PPP2R2D: variants seen among roughly 807,000 people sequenced by gnomAD.
PPP2R2D encodes the protein protein phosphatase 2 regulatory subunit Bdelta.
Under a neutral mutation model 31.1 loss-of-function variants are expected in PPP2R2D, and 9 were observed. The ratio of observed to expected loss-of-function variants is 0.29; its 90% CI spans 0.17 to 0.51. The LOEUF (loss-of-function observed/expected upper bound fraction) is 0.51. PPP2R2D is among the 20% of genes least tolerant of loss of function. PPP2R2D has a pLI of 0.98. For missense variants in PPP2R2D, 391 were observed against 465.6 expected, an observed-to-expected ratio of 0.84 and a Z score of 1.48; for synonymous variants, 179 against 172.6, an observed-to-expected ratio of 1.04 and a Z score of -0.29.
chr10:131,937,868 C>T (rs1160586725), intron 3 of PPP2R2D, among the ~76,000 whole-genome samples: 2 of 152,164 alleles, frequency 1.3e-5, no homozygotes, highest in African/African-American at 4.8e-5. Context: ...AGGAGAGGGT[C>T]AAAGGAGAAC....
chr10:131,918,372 G>T (rs1431158901), intron 2 of PPP2R2D, among the ~76,000 whole-genome samples: 2 of 149,078 alleles, frequency 1.3e-5, no homozygotes, highest in Admixed American at 6.6e-5. Flanking sequence ...CACAGTGTTT[G>T]TAGGGACCTC....
At chr10:131,938,678 C>T (rs550266527) in intron 3 of PPP2R2D, among the ~76,000 whole-genome samples, 3 of 152,256 alleles carry the variant, frequency 2.0e-5, no homozygotes, top group Admixed American at 1.3e-4. Context: ...GCACCTCACT[C>T]TGGGCACCTG....
chr10:131,948,559 A>T (rs2036582885), intron 8 of PPP2R2D, among the ~76,000 whole-genome samples: 1 of 152,206 alleles, frequency 6.6e-6, no homozygotes, highest in Non-Finnish European at 1.5e-5. Context: ...GAGCTCACAG[A>T]TAAGCAAGGG....
chr10:131,962,170 C>T (rs1256808901), downstream of PPP2R2D, among the ~76,000 whole-genome samples: 4 of 152,196 alleles, frequency 2.6e-5, no homozygotes, highest in Admixed American at 6.5e-5. Flanking sequence ...ACTAGCTGCC[C>T]GGTGATGACA....
intron 2 of PPP2R2D, among the ~76,000 whole-genome samples, chr10:131,917,094 C>T (rs11146258): frequency 0.014 from 1,658 of 119,152 alleles, no homozygotes; most frequent in East Asian, 0.036. Context: ...GGACCTCACA[C>T]GGGTGGAATG....
At chr10:131,964,351 A>T (rs1225226055), downstream of PPP2R2D, among the ~76,000 whole-genome samples, 1 of 150,190 alleles carries the variant, frequency 6.7e-6, no homozygotes. Flanking sequence ...TTTGTTTTTG[A>T]GACAAATAAC....
chr10:131,970,767 G>C, the PPP2R2D span: 7 of 1,614,188 alleles, frequency 4.3e-6, no homozygotes, highest in South Asian at 1.1e-5. This position sits in a 1 kb window ranked among gnomAD's most constrained non-coding sequence, Gnocchi z 4.1. Context: ...CGTGCGCTTC[G>C]GGTGTTTAAA....
chr10:131,937,981 GCCTGT>G (rs2119821642), intron 3 of PPP2R2D, among the ~76,000 whole-genome samples: 1 of 152,060 alleles, frequency 6.6e-6, no homozygotes, highest in Non-Finnish European at 1.5e-5. Flanking sequence ...GGAATGCCCT[GCCTGT>G]CAGACTCAGT....
intron 2 of PPP2R2D, among the ~76,000 whole-genome samples, chr10:131,910,735 C>T (rs1253983881): frequency 6.6e-6 from 1 of 152,208 alleles, no homozygotes; most frequent in Non-Finnish European, 1.5e-5. Context: ...CCGGCAACCC[C>T]TGGGTAGCTT....
chr10:131,949,690 G>A (rs2036605445), intron 8 of PPP2R2D, among the ~76,000 whole-genome samples: 1 of 152,170 alleles, frequency 6.6e-6, no homozygotes, highest in South Asian at 2.1e-4. Context: ...AACGTGACCT[G>A]GAGACTGGAA....
At chr10:131,905,385 C>A (rs1298873716) in intron 2 of PPP2R2D, among the ~76,000 whole-genome samples, 4 of 152,300 alleles carry the variant, frequency 2.6e-5, no homozygotes, top group Non-Finnish European at 5.9e-5. Flanking sequence ...GAATCACCTT[C>A]ACCCAGCCCC....
rs1554901111 is a variant in PPP2R2D, at chr10:131,959,548, G to T, written c.*3585G>T. The T allele has an allele frequency of 1.3e-5, 2 of 159,568 alleles. No homozygotes were observed. The highest frequency in any genetic ancestry group is 2.7e-5 in the Non-Finnish European group (2 of 72,762). 9.9% of individuals were successfully genotyped at this position (159,568 alleles called of 1,614,324 possible). A position where few individuals can be genotyped will look rare whatever the true frequency, so the allele number is the denominator to read the frequency against. On this transcript the variant is annotated 3_prime_UTR_variant, in exon 9 of 9. Transcript: ENST00000455566. ...GTGTGCTGATTACTAATCCACATGGGCAAGAACAGGATGTCCGTCATTACC... is the reference window on the plus strand; with the variant it reads ...GTGTGCTGATTACTAATCCACATGGTCAAGAACAGGATGTCCGTCATTACC...
chr10:131,947,643 C>G lies in PPP2R2D; in HGVS notation c.934C>G (p.Leu312Val). 6.2e-7 allele frequency: 1 copy of G among 1,614,236 alleles called. No individual in the cohort carries two copies. Among genetic ancestry groups the G allele is most frequent in the Middle Eastern group, 1.6e-4 (1 of 6,062 alleles). ...GCGGTACATGATGACCAGAGACTAC[C>G]TGTCGGTGAAGGTGTGGGACCTCAA... is the stretch of plus-strand genomic sequence containing the variant. ...SGRYMMTRDY[L>V]SVKVWDLNME... Residue 312 changes from leucine to valine, a missense_variant, in exon 8 of 9, where the codon CTG becomes GTG. Physicochemically the swap from Leu to Val is conservative, Grantham distance 32. Around this residue, in one of 3 missense-constraint regions of PPP2R2D, gnomAD observed 123 missense variants for 187.7 expected, o/e 0.66. Coordinates refer to ENST00000455566, the MANE Select transcript of PPP2R2D (RefSeq NM_018461.5). The surrounding 1 kb of genome is among the most constrained non-coding windows in gnomAD (Gnocchi z 4.3).
chr10:131,939,701 C>G (rs1300876047), intron 3 of PPP2R2D: 1 of 173,962 alleles, frequency 5.7e-6, no homozygotes, highest in Non-Finnish European at 1.2e-5. Flanking sequence ...TTCGGCAGAC[C>G]TGCTCCAGAA....
intron 2 of PPP2R2D, among the ~76,000 whole-genome samples, chr10:131,907,137 A>G (rs2035602775): frequency 6.6e-6 from 1 of 152,024 alleles, no homozygotes; most frequent in East Asian, 1.9e-4. Flanking sequence ...AAAACTTGTC[A>G]GTCATATTTA....
intron 2 of PPP2R2D, among the ~76,000 whole-genome samples, chr10:131,904,501 C>T (rs2035552040): frequency 6.6e-6 from 1 of 151,802 alleles, no homozygotes; most frequent in Admixed American, 6.6e-5. Flanking sequence ...CAGAGCAAGA[C>T]TTTGTCTCAA....
Position 131,920,837 on chromosome 10 carries a change from G to A in PPP2R2D, c.101-13621G>A, listed in dbSNP as rs189316578. 5.9e-5 allele frequency among the ~76,000 whole-genome samples: 9 copies of A among 152,334 alleles called. No individual in the cohort carries two copies. In the Middle Eastern group the frequency reaches 0.01, roughly 173 times the overall value. The stretch of plus-strand genomic sequence containing the variant: ...TCAGCTACTCAGGAGGCTGAGGCAG[G>A]AGAATCACTTGAACCCGGGAGGTGG... On this transcript the variant is annotated intron_variant, in intron 2 of 8. Transcript: ENST00000455566.
intron 2 of PPP2R2D, among the ~76,000 whole-genome samples, chr10:131,922,834 T>C (rs2036019845): frequency 6.6e-6 from 1 of 152,216 alleles, no homozygotes; most frequent in Non-Finnish European, 1.5e-5. Flanking sequence ...AAAATGAATT[T>C]AGTAATTTGT....
At chr10:131,948,525 A>C (rs890211744) in intron 8 of PPP2R2D, among the ~76,000 whole-genome samples, 2 of 152,218 alleles carry the variant, frequency 1.3e-5, no homozygotes, top group African/African-American at 2.4e-5. Context: ...ATGATACAGC[A>C]GGTGTCTCTT....
Sources: allele counts gnomAD v4.1 joint callset (sites outside exome capture counted in the v4.1 genomes callset), GRCh38; gene constraint gnomAD v4.1.1; regional missense constraint gnomAD v4.1.1; non-coding constraint Gnocchi (gnomAD v3.1); transcripts MANE v1.5; gene names NCBI Gene and HGNC (gene_info 2026-07-23, HGNC 2026-07-21).